YBX3: variants seen among roughly 807,000 people sequenced by gnomAD.
YBX3 encodes the protein Y-box binding protein 3, also known as Y-box-binding protein 3.
YBX3 carries 29 observed loss-of-function variants against 42.4 expected under a neutral mutation model. That is an observed-to-expected ratio of 0.68 (90% CI 0.51 to 0.93). The LOEUF is 0.93. Among genes scored for constraint, YBX3 ranks in the 40% least tolerant of loss-of-function variants. YBX3 has a pLI of 0.00. For missense variants in YBX3, 517 were observed against 527.5 expected (o/e 0.98, Z 0.19); for synonymous variants, 195 against 189.8 (o/e 1.03, Z -0.22).
intron 6 of YBX3, among the ~76,000 whole-genome samples, chr12:10,706,747 G>A (rs1045527075): frequency 6.6e-6 from 1 of 152,152 alleles, no homozygotes; most frequent in African/African-American, 2.4e-5. Flanking sequence ...GCCAGGAGCG[G>A]TGGCTCACGC....
At chr12:10,712,970 A>T in intron 5 of YBX3, 2 of 471,978 alleles carry the variant, frequency 4.2e-6, no homozygotes, top group South Asian at 3.7e-5. Flanking sequence ...AAAATCTCAG[A>T]AATCACCACT....
At chr12:10,713,955 T>TA (rs780204354) in intron 4 of YBX3, among the ~76,000 whole-genome samples, 9 of 152,258 alleles carry the variant, frequency 5.9e-5, no homozygotes, top group South Asian at 2.1e-4. Flanking sequence ...TCAAAAATGT[T>TA]AAAAAAATGT....
intron 3 of YBX3, 59 bp downstream of exon 3, chr12:10,718,029 A>G: frequency 6.9e-7 from 1 of 1,443,366 alleles, no homozygotes; most frequent in Non-Finnish European, 9.5e-7. Context: ...GAAAGGGCTG[A>G]CAGAAGATTA....
In YBX3 at chr12:10,699,215, T is replaced by TC. The variant is rs574422614; in HGVS notation, c.*473_*474insG. 4.3e-3 allele frequency: 658 copies of TC among 152,512 alleles called. 7 individuals are homozygous for TC. Among genetic ancestry groups the TC allele is most frequent in the Non-Finnish European group, 4.3e-3 (294 of 67,966 alleles). 9.4% of individuals were successfully genotyped at this position (152,512 alleles called of 1,614,324 possible). A position where few individuals can be genotyped will look rare whatever the true frequency, so the allele number is the denominator to read the frequency against. On this transcript the variant is annotated 3_prime_UTR_variant, in exon 10 of 10. Coordinates refer to ENST00000228251, the MANE Select transcript of YBX3 (RefSeq NM_003651.5). Reference sequence around the variant, plus strand: ...GAAATAAATAAGAAGGACATAAATTTTTTTTTTTTTTAAATCATGACACTT... The same window carrying TC: ...GAAATAAATAAGAAGGACATAAATTTCTTTTTTTTTTTAAATCATGACACTT...
intron 2 of YBX3, among the ~76,000 whole-genome samples, 190 bp downstream of exon 2, chr12:10,718,890 A>G (rs967516942): frequency 3.3e-5 from 5 of 152,170 alleles, no homozygotes; most frequent in Admixed American, 6.5e-5. Flanking sequence ...GAAATAAGTT[A>G]TTTATTAGTG....
chr12:10,721,440 G>A (rs1464277677), intron 1 of YBX3, among the ~76,000 whole-genome samples: 1 of 152,152 alleles, frequency 6.6e-6, no homozygotes, highest in Non-Finnish European at 1.5e-5. Context: ...ACACTGCTTT[G>A]GAGAACACAA....
In YBX3 at chr12:10,699,332, T is replaced by C. The variant is rs1015530167; in HGVS notation, c.*357A>G. ...ATTTCTTTGGTTGGGGTTCTCCCCA[T>C]GTGGTATTAATATTTCTTGTTTCAA... On this transcript the variant is annotated 3_prime_UTR_variant, in exon 10 of 10. Coordinates refer to ENST00000228251, the MANE Select transcript of YBX3 (RefSeq NM_003651.5). The C allele has an allele frequency of 2.0e-5, 3 of 152,514 alleles. No individual in the cohort carries two copies. The highest frequency in any genetic ancestry group is 7.2e-5 in the African/African-American group (3 of 41,402). The allele number at this position is 152,514 out of a possible 1,614,324, so 9.4% of individuals were successfully genotyped here.
In YBX3 at chr12:10,702,043, A is replaced by G; in HGVS notation, c.970T>C (p.Ser324Pro). ...GGACGCCGGTATCCACGGCGAACAG[A>G]CGGCTGGTTTGGACCACTGGTGGCT... The part of the protein sequence containing the change: ...QQATSGPNQP[S>P]VRRGYRRPYN... The change falls in exon 8 of 10, where the codon TCT becomes CCT. Residue 324 changes from serine (S) to proline (P), a missense_variant. Coordinates refer to ENST00000228251, the MANE Select transcript of YBX3 (RefSeq NM_003651.5). 6.2e-7 allele frequency: 1 copy of G among 1,614,172 alleles called. No homozygotes were observed. Among genetic ancestry groups the G allele is most frequent in the South Asian group, 1.1e-5 (1 of 91,076 alleles).
Position 10,704,988 on chromosome 12 carries a change from G to C in YBX3, c.781-840C>G, listed in dbSNP as rs368006417. On this transcript the variant is annotated intron_variant, in intron 6 of 9. Coordinates refer to ENST00000228251, the MANE Select transcript of YBX3 (RefSeq NM_003651.5). ...ACAGAAAAGTTAAATGTAATTCTCA[G>C]ATCCCATTCAAGTTTCACCATTTAT... Among the ~76,000 whole-genome samples the C allele has an allele frequency of 3.9e-5, 6 of 152,276 alleles. No individual in the cohort carries two copies. The East Asian group carries it at 5.8e-4, about 15-fold the overall frequency.
chr12:10,710,282 G>A, intron 5 of YBX3, 168 bp from the exon 6 acceptor site: 1 of 1,497,320 alleles, frequency 6.7e-7, no homozygotes, highest in African/African-American at 1.4e-5. Flanking sequence ...GATTGCCTGG[G>A]ATAAACTACA....
chr12:10,704,361 T>C (rs1948114699), intron 6 of YBX3: 1 of 442,796 alleles, frequency 2.3e-6, no homozygotes, highest in Non-Finnish European at 4.0e-6. Context: ...AATACTCATT[T>C]GCTTAGTCCC....
intron 7 of YBX3, chr12:10,703,832 C>T: frequency 2.0e-6 from 1 of 495,328 alleles, no homozygotes; most frequent in Non-Finnish European, 3.6e-6. Context: ...TATTATAATT[C>T]CAGAATACAA....
intron 4 of YBX3, among the ~76,000 whole-genome samples, chr12:10,714,104 G>C (rs1948231859): frequency 6.6e-6 from 1 of 152,222 alleles, no homozygotes; most frequent in Admixed American, 6.5e-5. Flanking sequence ...TCCTCACAGA[G>C]TGGCAGGTGC....
At chr12:10,710,506 AAAG>A (rs1466597751) in intron 5 of YBX3, 2 of 1,186,036 alleles carry the variant, frequency 1.7e-6, no homozygotes, top group African/African-American at 3.2e-5. Flanking sequence ...AAAAGCCAAA[AAAG>A]AATACATTTT....
chr12:10,703,661 C>A, intron 7 of YBX3: 3 of 356,332 alleles, frequency 8.4e-6, no homozygotes, highest in Middle Eastern at 7.9e-4. Context: ...TGATCATACC[C>A]TGATTTAACC....
chr12:10,704,004 G>C, intron 7 of YBX3, 47 bp downstream of exon 7: 2 of 1,551,248 alleles, frequency 1.3e-6, no homozygotes, highest in South Asian at 2.2e-5. Flanking sequence ...TTCTACCATT[G>C]TGCACACAAG....
chr12:10,716,175 C>G (rs956752154), intron 3 of YBX3: 5 of 175,610 alleles, frequency 2.8e-5, no homozygotes, highest in Non-Finnish European at 6.0e-5. Context: ...TAAAGAAAAA[C>G]AAATTAAAAT....
In YBX3 at chr12:10,702,119, G is replaced by A. The variant is rs139903785; in HGVS notation, c.894C>T (p.Arg298=). The A allele has an allele frequency of 3.9e-3, 6,232 of 1,614,038 alleles. 253 individuals carry two copies. The Admixed American group carries it at 0.074, about 19-fold the overall frequency. Residue 298 remains arginine (R), a synonymous_variant, in exon 8 of 10, where the codon CGC becomes CGT. Transcript: ENST00000228251. The stretch of plus-strand genomic sequence containing the variant: ...CTCCAACTGCTGGGGCAGGTCGTGG[G>A]CGAGGAGGTCCCCTGCTGTAGGGAA... The part of the protein sequence containing the change: ...RPRYRSRGPP[R]PRPAPAVGEA...
At chr12:10,701,419 A>G in intron 8 of YBX3, 66 bp from the exon 9 acceptor site, 2 of 764,762 alleles carry the variant, frequency 2.6e-6, no homozygotes, top group Non-Finnish European at 4.9e-6. Context: ...CAAGACTGAA[A>G]GTTCTTAAAA....
Sources: allele counts gnomAD v4.1 joint callset (sites outside exome capture counted in the v4.1 genomes callset), GRCh38; gene constraint gnomAD v4.1.1; transcripts MANE v1.5; gene names NCBI Gene and HGNC (gene_info 2026-07-23, HGNC 2026-07-21).